HAT1: variants seen among roughly 807,000 people sequenced by gnomAD.
HAT1 encodes histone acetyltransferase type B catalytic subunit.
In HAT1, 20 loss-of-function variants were observed where a neutral mutation model predicts 56.6. That is an observed-to-expected ratio of 0.35 (90% CI 0.25 to 0.51). HAT1 has a LOEUF of 0.51. Ranked by LOEUF, HAT1 falls within the 20% of genes least tolerant of loss-of-function variation. The probability of loss-of-function intolerance (pLI) is 0.95; values close to 1 mark genes in which losing one functional copy is unlikely to be tolerated. For missense variants in HAT1, 408 were observed against 504.3 expected, an observed-to-expected ratio of 0.81 and a Z score of 1.83; for synonymous variants, 146 against 165.5, an observed-to-expected ratio of 0.88 and a Z score of 0.91.
At chr2:171,969,494 C>T (rs547999658) in intron 8 of HAT1, among the ~76,000 whole-genome samples, 1 of 152,148 alleles carries the variant, frequency 6.6e-6, no homozygotes, top group African/African-American at 2.4e-5. Context: ...AGTTTTTGAT[C>T]CTGCATATCA....
intron 2 of HAT1, among the ~76,000 whole-genome samples, chr2:171,931,831 T>TA (rs1271652962): frequency 2.0e-5 from 3 of 152,214 alleles, no homozygotes; most frequent in Non-Finnish European, 4.4e-5. Context: ...TTTCTTGCCT[T>TA]ACTGCACTGG....
intron 2 of HAT1, among the ~76,000 whole-genome samples, chr2:171,937,026 C>T (rs113553580): frequency 0.015 from 2,333 of 151,108 alleles, 36 homozygotes; most frequent in Non-Finnish European, 0.026. Flanking sequence ...GTGATCTCGG[C>T]TCATTGCAAC....
Position 171,973,487 on chromosome 2 carries a change from C to T in HAT1, c.824-2670C>T, listed in dbSNP as rs1163466487. 4.6e-5 allele frequency among the ~76,000 whole-genome samples: 7 copies of T among 150,860 alleles called. No individual in the cohort carries two copies. The East Asian group carries it at 1.2e-3, about 25-fold the overall frequency. ...TCATTAATTTGAAGAAAATTCCCATCTTAACAATTCAGAATCCTCTAATCC... is the reference window on the plus strand; with the variant it reads ...TCATTAATTTGAAGAAAATTCCCATTTTAACAATTCAGAATCCTCTAATCC... On this transcript the variant is annotated intron_variant, in intron 8 of 10. Coordinates refer to ENST00000264108, the MANE Select transcript of HAT1 (RefSeq NM_003642.4).
intron 4 of HAT1, among the ~76,000 whole-genome samples, chr2:171,959,246 C>T (rs1687519144): frequency 6.6e-6 from 1 of 152,110 alleles, no homozygotes; most frequent in South Asian, 2.1e-4. Context: ...ATGTAGATTG[C>T]TAAATTCTCC....
chr2:171,951,909 C>T (rs1687318225), intron 3 of HAT1, among the ~76,000 whole-genome samples: 1 of 152,140 alleles, frequency 6.6e-6, no homozygotes, highest in African/African-American at 2.4e-5. Flanking sequence ...ATTGCCACTC[C>T]TTTCTTCTTC....
chr2:171,974,512 C>A (rs1558979833), intron 8 of HAT1, among the ~76,000 whole-genome samples: 1 of 152,198 alleles, frequency 6.6e-6, no homozygotes, highest in Non-Finnish European at 1.5e-5. Context: ...ATCACATTGT[C>A]TGTAAATAAA....
chr2:171,954,980 C>T (rs1404897306), intron 4 of HAT1, among the ~76,000 whole-genome samples: 2 of 152,304 alleles, frequency 1.3e-5, no homozygotes, highest in East Asian at 3.9e-4. Flanking sequence ...AATGCTTACT[C>T]ACTAGAAGCT....
chr2:171,937,872 A>G (rs1686908850), intron 2 of HAT1, among the ~76,000 whole-genome samples: 1 of 152,140 alleles, frequency 6.6e-6, no homozygotes, highest in East Asian at 1.9e-4. Flanking sequence ...AAAATCAAAC[A>G]ATTAGCCAAG....
At chr2:171,973,283 T>G (rs2105342041) in intron 8 of HAT1, among the ~76,000 whole-genome samples, 1 of 152,014 alleles carries the variant, frequency 6.6e-6, no homozygotes, top group East Asian at 1.9e-4. Flanking sequence ...CTCAACCACA[T>G]ATGAGTCTTG....
chr2:171,982,644 A>C (rs951872527), intron 10 of HAT1, among the ~76,000 whole-genome samples: 4 of 152,232 alleles, frequency 2.6e-5, no homozygotes, highest in African/African-American at 4.8e-5. Flanking sequence ...TCTGGAACTT[A>C]ATAAAGACTC....
chr2:171,943,607 A>T (rs1334643898), intron 2 of HAT1, among the ~76,000 whole-genome samples: 1 of 150,998 alleles, frequency 6.6e-6, no homozygotes, highest in African/African-American at 2.4e-5. Flanking sequence ...CCTAGATTCA[A>T]CAGTTAACAT....
At chr2:171,956,896 AGT>A (rs756645082) in intron 4 of HAT1, among the ~76,000 whole-genome samples, 26 of 152,196 alleles carry the variant, frequency 1.7e-4, no homozygotes, top group Non-Finnish European at 3.1e-4. Context: ...GAAGGTGGAA[AGT>A]GTGTTCTGGA....
intron 8 of HAT1, 30 bp downstream of exon 8, chr2:171,966,979 AGCCTTTCT>A: frequency 1.1e-6 from 1 of 933,160 alleles, no homozygotes; most frequent in Non-Finnish European, 1.7e-6. Flanking sequence ...TTACTGAAAG[AGCCTTTCT>A]AAAAATGTCT....
chr2:171,924,074 G>A (rs553487530), intron 1 of HAT1: 2 of 152,302 alleles, frequency 1.3e-5, no homozygotes, highest in South Asian at 4.1e-4. Context: ...TCTCACTCCA[G>A]ACTATTAATC....
chr2:171,945,073 A>G lies in HAT1; in HGVS notation c.113-1635A>G, dbSNP rs980609264. Among the ~76,000 whole-genome samples, 8 of 152,156 alleles carry G rather than the reference A, an allele frequency of 5.3e-5. No homozygotes were observed. In the South Asian group the frequency reaches 1.2e-3, roughly 24 times the overall value. Reference sequence around the variant, plus strand: ...TTTAGTAGAGATGGCATTTCACCATATTGGTTAGGCTGGTCTTGAACTCCT... The same window carrying G: ...TTTAGTAGAGATGGCATTTCACCATGTTGGTTAGGCTGGTCTTGAACTCCT... On this transcript the variant is annotated intron_variant, in intron 2 of 10. Coordinates refer to ENST00000264108, the MANE Select transcript of HAT1 (RefSeq NM_003642.4).
intron 2 of HAT1, among the ~76,000 whole-genome samples, chr2:171,927,253 A>G (rs1451933899): frequency 5.9e-5 from 9 of 152,242 alleles, no homozygotes; most frequent in Admixed American, 5.9e-4. Flanking sequence ...GAAAAATAAT[A>G]TATGCTCATG....
intron 4 of HAT1, among the ~76,000 whole-genome samples, chr2:171,955,021 A>G (rs1379156179): frequency 1.3e-5 from 2 of 152,212 alleles, no homozygotes; most frequent in Non-Finnish European, 2.9e-5. Context: ...TCCCTCCTAG[A>G]GCTTCCAGAG....
chr2:171,957,956 C>G (rs1452229238), intron 4 of HAT1, among the ~76,000 whole-genome samples: 1 of 152,142 alleles, frequency 6.6e-6, no homozygotes, highest in Non-Finnish European at 1.5e-5. Flanking sequence ...CTTTCCTCTG[C>G]AGAAGTAGCA....
chr2:171,923,069 T>TG (rs1167417540), intron 1 of HAT1: 3 of 152,702 alleles, frequency 2.0e-5, no homozygotes, highest in Admixed American at 6.5e-5. Context: ...CGTATTTAGA[T>TG]GCCCTTTGAG....
Sources: allele counts gnomAD v4.1 joint callset (sites outside exome capture counted in the v4.1 genomes callset), GRCh38; gene constraint gnomAD v4.1.1; transcripts MANE v1.5; gene names NCBI Gene and HGNC (gene_info 2026-07-23, HGNC 2026-07-21).